The following SLC24A2 variants were observed in gnomAD, a reference collection of about 807,000 sequenced individuals.
SLC24A2 encodes sodium/potassium/calcium exchanger 2.
A neutral mutation model predicts 62.0 loss-of-function variants in SLC24A2; 36 were observed. The ratio of observed to expected loss-of-function variants is 0.58; its 90% CI spans 0.44 to 0.77. The LOEUF is 0.77. Ranked by LOEUF, SLC24A2 falls within the 30% of genes least tolerant of loss-of-function variation. The pLI is 0.00. For synonymous variants in SLC24A2, 358 were observed against 294.0 expected (o/e 1.22, Z -2.23); for missense variants, 846 against 817.9 (o/e 1.03, Z -0.42).
In SLC24A2 at chr9:19,550,269, CTG is replaced by C. The variant is rs752768313; in HGVS notation, c.1348-3_1348-2del. The C allele has an allele frequency of 3.1e-6, 5 of 1,613,774 alleles. No homozygotes were observed. Among genetic ancestry groups the C allele is most frequent in the East Asian group, 4.5e-5 (2 of 44,880 alleles). On this transcript the variant is annotated splice_acceptor_variant and splice_polypyrimidine_tract_variant and intron_variant, in intron 7 of 10. Transcript: ENST00000341998. LOFTEE classifies it high-confidence loss of function. Reference sequence around the variant, plus strand: ...GCTGGTCCTCCTCCTCATCAGCGGTCTGTGGTAGAAAAAGAGGTAAAATTAAA... The same window carrying C: ...GCTGGTCCTCCTCCTCATCAGCGGTCTGGTAGAAAAAGAGGTAAAATTAAA...
the SLC24A2 span, among the ~76,000 whole-genome samples, chr9:19,880,229 T>C: frequency 1.3e-5 from 2 of 152,172 alleles, no homozygotes; most frequent in Non-Finnish European, 2.9e-5. Flanking sequence ...GGACACAGCA[T>C]TCCAATCCTT....
the SLC24A2 span, among the ~76,000 whole-genome samples, chr9:19,850,555 C>T: frequency 7.9e-5 from 12 of 152,054 alleles, no homozygotes; most frequent in African/African-American, 2.9e-4. Flanking sequence ...GCTCAGTCAT[C>T]ATCAAAATCC....
At chr9:20,285,299 A>G in the SLC24A2 span, among the ~76,000 whole-genome samples, 1 of 152,236 alleles carries the variant, frequency 6.6e-6, no homozygotes, top group African/African-American at 2.4e-5. Flanking sequence ...TAATATGTAG[A>G]AAGAGGTTTA....
At chr9:20,138,626 C>T in the SLC24A2 span, among the ~76,000 whole-genome samples, 3 of 152,150 alleles carry the variant, frequency 2.0e-5, no homozygotes, top group Middle Eastern at 3.2e-3. Context: ...TAGGAGTAAG[C>T]GATTCCTCCT....
chr9:20,106,798 A>T, the SLC24A2 span, among the ~76,000 whole-genome samples: 1 of 152,160 alleles, frequency 6.6e-6, no homozygotes, highest in African/African-American at 2.4e-5. Flanking sequence ...CAAGACAGGG[A>T]TGCCCTCTCT....
At chr9:20,268,637 G>A in the SLC24A2 span, among the ~76,000 whole-genome samples, 1 of 152,134 alleles carries the variant, frequency 6.6e-6, no homozygotes. Flanking sequence ...GGACTTTTCA[G>A]CCTCCATAAC....
At chr9:19,953,009 A>G in the SLC24A2 span, among the ~76,000 whole-genome samples, 1 of 152,010 alleles carries the variant, frequency 6.6e-6, no homozygotes, top group Non-Finnish European at 1.5e-5. Flanking sequence ...TACTGGATCA[A>G]ATACTTGGGT....
intron 4 of SLC24A2, among the ~76,000 whole-genome samples, chr9:19,605,612 T>C (rs541373650): frequency 6.6e-6 from 1 of 152,184 alleles, no homozygotes; most frequent in Non-Finnish European, 1.5e-5. Context: ...AAAGAAAATA[T>C]AGAAAAGATA....
intron 2 of SLC24A2, among the ~76,000 whole-genome samples, chr9:19,769,624 G>A (rs1258706865): frequency 6.6e-6 from 1 of 152,186 alleles, no homozygotes; most frequent in Non-Finnish European, 1.5e-5. Flanking sequence ...TTCTTCCGAT[G>A]CTTACTGCCA....
chr9:19,714,110 C>T (rs1023133667), intron 2 of SLC24A2, among the ~76,000 whole-genome samples: 15 of 152,286 alleles, frequency 9.8e-5, no homozygotes, highest in African/African-American at 3.1e-4. Context: ...TTCACATTTT[C>T]AAGGTTTTTA....
At chr9:20,235,001 T>C in the SLC24A2 span, among the ~76,000 whole-genome samples, 2 of 152,254 alleles carry the variant, frequency 1.3e-5, no homozygotes, top group Non-Finnish European at 2.9e-5. Flanking sequence ...CTCCAGACCC[T>C]GTTCACCTGG....
the SLC24A2 span, among the ~76,000 whole-genome samples, chr9:19,867,415 G>C: frequency 6.6e-6 from 1 of 152,124 alleles, no homozygotes; most frequent in Non-Finnish European, 1.5e-5. Context: ...TCAGTAATTT[G>C]TGTCTTTCTA....
chr9:19,510,835 T>C lies in SLC24A2; in HGVS notation c.*5318A>G, dbSNP rs1171585602. On this transcript the variant is annotated 3_prime_UTR_variant, in exon 11 of 11. Coordinates refer to ENST00000341998, the MANE Select transcript of SLC24A2 (RefSeq NM_020344.4). ...AAAACAGTTGCCTAGCCTGTCGTAA[T>C]TGCAGGGTCATTTTTGCCTCTCGAA... 1.3e-5 allele frequency: 2 copies of C among 152,314 alleles called. No individual in the cohort carries two copies. The highest frequency in any genetic ancestry group is 4.8e-5 in the African/African-American group (2 of 41,454). The allele number at this position is 152,314 out of a possible 1,614,324, so 9.4% of individuals were successfully genotyped here.
the SLC24A2 span, among the ~76,000 whole-genome samples, chr9:20,061,397 C>T: frequency 6.6e-6 from 1 of 152,110 alleles, no homozygotes; most frequent in East Asian, 1.9e-4. Context: ...AGTGATTGTC[C>T]TGCCTCAGCC....
At chr9:19,994,565 C>CT in the SLC24A2 span, among the ~76,000 whole-genome samples, 1 of 152,192 alleles carries the variant, frequency 6.6e-6, no homozygotes, top group East Asian at 1.9e-4. Flanking sequence ...GAGGACCAGG[C>CT]TCTTGACTCT....
At chr9:20,255,560 T>C in the SLC24A2 span, among the ~76,000 whole-genome samples, 2 of 152,184 alleles carry the variant, frequency 1.3e-5, no homozygotes, top group African/African-American at 4.8e-5. Context: ...TCACTCACAT[T>C]GTCTGAGAGC....
chr9:19,619,055 A>C (rs1587046600), intron 4 of SLC24A2, among the ~76,000 whole-genome samples: 1 of 152,230 alleles, frequency 6.6e-6, no homozygotes, highest in East Asian at 1.9e-4. Context: ...GCAGTTCTCA[A>C]AGACAGGGCT....
At chr9:19,740,084 A>G (rs1039347223) in intron 2 of SLC24A2, among the ~76,000 whole-genome samples, 3 of 152,238 alleles carry the variant, frequency 2.0e-5, no homozygotes, top group Admixed American at 1.3e-4. Context: ...TGAAAAATAC[A>G]GACAATGCCA....
At chr9:19,771,525 G>A (rs1822688341) in intron 2 of SLC24A2, among the ~76,000 whole-genome samples, 1 of 152,158 alleles carries the variant, frequency 6.6e-6, no homozygotes, top group African/African-American at 2.4e-5. Context: ...CAGCCTGGCT[G>A]CTCATCTGAA....
Sources: allele counts gnomAD v4.1 joint callset (sites outside exome capture counted in the v4.1 genomes callset), GRCh38; gene constraint gnomAD v4.1.1; transcripts MANE v1.5; gene names NCBI Gene and HGNC (gene_info 2026-07-23, HGNC 2026-07-21).